The following AP3B2 variants were observed in gnomAD, a reference collection of about 807,000 sequenced individuals.
The protein encoded by AP3B2 is adaptor related protein complex 3 subunit beta 2.
Under a neutral mutation model 126.9 loss-of-function variants are expected in AP3B2, and 50 were observed. The observed-to-expected ratio is 0.39, with a 90% CI of 0.31 to 0.50. AP3B2 has a LOEUF of 0.50. Ranked by LOEUF, AP3B2 falls within the 20% of genes least tolerant of loss-of-function variation. The pLI, the probability that AP3B2 is intolerant of heterozygous loss-of-function variation, is 0.79. For synonymous variants in AP3B2, 541 were observed against 565.0 expected, an observed-to-expected ratio of 0.96 and a Z score of 0.60; for missense variants, 1,177 against 1,426.4, an observed-to-expected ratio of 0.83 and a Z score of 2.82.
At chr15:82,699,977 A>C (rs991643019) in intron 1 of AP3B2, 43 of 398,362 alleles carry the variant, frequency 1.1e-4, no homozygotes, top group Non-Finnish European at 1.9e-4. Flanking sequence ...GGACACTGGC[A>C]GGGAGGGATG....
intron 1 of AP3B2, among the ~76,000 whole-genome samples, chr15:82,700,236 C>T (rs1596197599): frequency 1.3e-5 from 2 of 151,874 alleles, no homozygotes; most frequent in Non-Finnish European, 2.9e-5. Context: ...CTTTCCAGAG[C>T]CAATACTTGA....
chr15:82,672,976 G>C lies in AP3B2; in HGVS notation c.1665+3485C>G, dbSNP rs77575922. On this transcript the variant is annotated intron_variant, in intron 14 of 26. Coordinates refer to ENST00000535359, the MANE Select transcript of AP3B2 (RefSeq NM_001278512.2). ...GTGGATCGTGGCACCATGTGACTTG[G>C]AAGTGGACCTTTCCCCAGTACAGCC... Among the ~76,000 whole-genome samples the C allele has an allele frequency of 9.2e-5, 14 of 152,302 alleles. No individual in the cohort carries two copies. In the East Asian group the frequency reaches 2.7e-3, roughly 29 times the overall value.
At chr15:82,682,938 AT>A (rs1290492179) in intron 4 of AP3B2, among the ~76,000 whole-genome samples, 89 of 146,540 alleles carry the variant, frequency 6.1e-4, no homozygotes, top group African/African-American at 2.1e-3. Context: ...AAAAAAAAAA[AT>A]TGAAGTCAGT....
chr15:82,672,873 C>A (rs550808467), intron 14 of AP3B2, among the ~76,000 whole-genome samples: 1 of 152,298 alleles, frequency 6.6e-6, no homozygotes, highest in East Asian at 1.9e-4. Flanking sequence ...GAGCTAAGGA[C>A]GGCCTCTAGA....
intron 20 of AP3B2, 29 bp downstream of exon 20, chr15:82,663,772 A>T (rs1215625177): frequency 6.2e-7 from 1 of 1,604,074 alleles, no homozygotes; most frequent in Non-Finnish European, 8.5e-7. Context: ...GCCCATGAGC[A>T]CACCCTGACT....
Position 82,689,472 on chromosome 15 carries a change from A to G in AP3B2, c.114-19T>C, listed in dbSNP as rs748466707. On this transcript the variant is annotated intron_variant, in intron 1 of 26. Transcript: ENST00000535359. ...ATCATGCCTGGTGGGAGGTACAAGAAGTCAGCTGAGGGCACAAGGGTGGGG... is the reference window on the plus strand; with the variant it reads ...ATCATGCCTGGTGGGAGGTACAAGAGGTCAGCTGAGGGCACAAGGGTGGGG... 6.2e-7 allele frequency: 1 copy of G among 1,611,198 alleles called. No individual in the cohort carries two copies. The highest frequency in any genetic ancestry group is 8.5e-7 in the Non-Finnish European group (1 of 1,178,572).
chr15:82,659,743 T>C (rs774678213), intron 26 of AP3B2, 33 bp from the exon 27 acceptor site: 1 of 1,611,484 alleles, frequency 6.2e-7, no homozygotes, highest in South Asian at 1.1e-5. Context: ...GAGGAAGAGC[T>C]GCTAAGGGTG....
intron 25 of AP3B2, among the ~76,000 whole-genome samples, chr15:82,660,800 G>A (rs1003345136): frequency 1.3e-5 from 2 of 151,942 alleles, no homozygotes; most frequent in African/African-American, 2.4e-5. Context: ...AAGTGTCCCC[G>A]TCTCCAAAAA....
At chr15:82,709,549 C>T (rs1199614292) in intron 1 of AP3B2, 45 bp downstream of exon 1, 4 of 1,390,978 alleles carry the variant, frequency 2.9e-6, no homozygotes, top group African/African-American at 1.5e-5. Flanking sequence ...CTCGCCCGGT[C>T]CCCGGCCCCA....
At chr15:82,679,833 C>CGAAG (rs765917247) in intron 9 of AP3B2, 33 bp from the exon 10 acceptor site, 8 of 1,601,398 alleles carry the variant, frequency 5.0e-6, no homozygotes, top group African/African-American at 4.0e-5. Context: ...GGAGCTCCAC[C>CGAAG]GAAGCCCCAG....
intron 1 of AP3B2, among the ~76,000 whole-genome samples, chr15:82,706,723 C>T (rs1232835095): frequency 1.3e-5 from 2 of 152,222 alleles, no homozygotes; most frequent in Non-Finnish European, 2.9e-5. Flanking sequence ...CAGGCCCATT[C>T]TATTCTTTCG....
intron 1 of AP3B2, among the ~76,000 whole-genome samples, chr15:82,701,280 G>A (rs1440981788): frequency 6.6e-6 from 1 of 152,060 alleles, no homozygotes; most frequent in Non-Finnish European, 1.5e-5. Flanking sequence ...CCATCACTCA[G>A]TGTTCTGTAC....
chr15:82,676,443 T>C lies in AP3B2; in HGVS notation c.1665+18A>G. On this transcript the variant is annotated intron_variant, in intron 14 of 26. Transcript: ENST00000535359. ...TCTGGGGACCAGAGTATCTGGGGGG[T>C]CATCTCTTAATCTTTACCTGTTTAG... The C allele has an allele frequency of 1.2e-6, 2 of 1,611,098 alleles. No homozygotes were observed. The highest frequency in any genetic ancestry group is 1.7e-6 in the Non-Finnish European group (2 of 1,178,286).
Position 82,689,150 on chromosome 15 carries a change from G to A in AP3B2, c.264+8C>T. On this transcript the variant is annotated splice_region_variant and intron_variant, in intron 3 of 26. Coordinates refer to ENST00000535359, the MANE Select transcript of AP3B2 (RefSeq NM_001278512.2). ...GGGACAAGCAATCCCTCACCAGGTA[G>A]TGCTCACCTCTATGTTCTTACAGGC... 1 of 1,613,612 alleles carries A rather than the reference G, an allele frequency of 6.2e-7. No individual in the cohort carries two copies. The highest frequency in any genetic ancestry group is 1.3e-5 in the African/African-American group (1 of 75,050).
chr15:82,695,607 C>T (rs561432530), intron 1 of AP3B2, among the ~76,000 whole-genome samples: 3 of 152,258 alleles, frequency 2.0e-5, no homozygotes, highest in African/African-American at 7.2e-5. Context: ...GAGCTCTGCA[C>T]CCCTCCTTCC....
chr15:82,666,630 A>G (rs1408433758), intron 15 of AP3B2, 117 bp downstream of exon 15: 2 of 1,147,152 alleles, frequency 1.7e-6, no homozygotes, highest in African/African-American at 1.6e-5. Context: ...GCCAGGGAGC[A>G]GGACTGTCCA....
At chr15:82,695,091 CTTTCTTT>C (rs1293628753) in intron 1 of AP3B2, among the ~76,000 whole-genome samples, 4 of 107,482 alleles carry the variant, frequency 3.7e-5, no homozygotes, top group Non-Finnish European at 8.2e-5. Context: ...TTTTTTCTTT[CTTTCTTT>C]TTTTTTTTTT....
At chr15:82,662,087 C>A in intron 24 of AP3B2, 81 bp downstream of exon 24, 1 of 1,410,400 alleles carries the variant, frequency 7.1e-7, no homozygotes, top group Non-Finnish European at 9.8e-7. Context: ...CCCCACTAAG[C>A]ACCACCTCCA....
chr15:82,709,751 G>C lies in AP3B2; in HGVS notation c.-45C>G, dbSNP rs1184352032. 3 of 1,409,108 alleles carry C rather than the reference G, an allele frequency of 2.1e-6. No individual in the cohort carries two copies. Among genetic ancestry groups the C allele is most frequent in the Non-Finnish European group, 9.3e-7 (1 of 1,070,302 alleles). The allele number at this position is 1,409,108 out of a possible 1,614,324, so 87.3% of individuals were successfully genotyped here. A position where few individuals can be genotyped will look rare whatever the true frequency, so the allele number is the denominator to read the frequency against. On this transcript the variant is annotated 5_prime_UTR_variant, in exon 1 of 27. Coordinates refer to ENST00000535359, the MANE Select transcript of AP3B2 (RefSeq NM_001278512.2). ...CGCCGAGGAGGAGGTTGCGGGGCCG[G>C]AGGCCGGCTGGAGCGGAGGAAGGGA...
Sources: gnomAD v4.1 joint callset for allele counts (sites outside exome capture counted in the v4.1 genomes callset) on GRCh38, gnomAD v4.1.1 for gene constraint, MANE v1.5 for transcripts, NCBI Gene and HGNC (gene_info 2026-07-23, HGNC 2026-07-21) for gene names.